The following SCFD1 variants were observed in gnomAD, a reference collection of about 807,000 sequenced individuals.
SCFD1 encodes the protein sec1 family domain-containing protein 1.
SCFD1 carries 37 observed loss-of-function variants against 103.2 expected under a neutral mutation model. The ratio of observed to expected loss-of-function variants is 0.36; its 90% CI spans 0.28 to 0.47. The LOEUF (loss-of-function observed/expected upper bound fraction) is 0.47. SCFD1 is among the 20% of genes least tolerant of loss of function. SCFD1 has a pLI of 1.00. For synonymous variants in SCFD1, 264 were observed against 245.0 expected, an observed-to-expected ratio of 1.08 and a Z score of -0.73; for missense variants, 639 against 761.2, an observed-to-expected ratio of 0.84 and a Z score of 1.89.
Position 30,630,557 on chromosome 14 carries a change from T to G in SCFD1, c.213T>G (p.Thr71=). The change falls in exon 3 of 25, where the codon ACT becomes ACG. Residue 71 remains threonine, a synonymous_variant. Transcript: ENST00000458591. ...SVKELRDMGI[T]LHLLLHSDRD... ...AGGAGCTAAGAGACATGGGAATCAC[T>G]CTGCATCTGTGAGTTTTTACATATT... 6.4e-7 allele frequency: 1 copy of G among 1,568,784 alleles called. No individual in the cohort carries two copies. The highest frequency in any genetic ancestry group is 8.8e-7 in the Non-Finnish European group (1 of 1,140,410).
chr14:30,659,444 C>T (rs1286539470), intron 10 of SCFD1, among the ~76,000 whole-genome samples: 1 of 152,078 alleles, frequency 6.6e-6, no homozygotes, highest in Non-Finnish European at 1.5e-5. Flanking sequence ...TGACTATTGG[C>T]GACTGTATTG....
intron 3 of SCFD1, among the ~76,000 whole-genome samples, chr14:30,632,651 G>A (rs1884297946): frequency 6.6e-6 from 1 of 152,118 alleles, no homozygotes; most frequent in Admixed American, 6.6e-5. Flanking sequence ...GAGTGCCATT[G>A]TCTCTGTACT....
chr14:30,711,308 A>G (rs909033083), intron 19 of SCFD1, among the ~76,000 whole-genome samples: 7 of 152,238 alleles, frequency 4.6e-5, no homozygotes, highest in East Asian at 1.9e-4. Context: ...CAAGAAAACT[A>G]TAAAACATGA....
chr14:30,654,224 G>T (rs1002567376), intron 10 of SCFD1, among the ~76,000 whole-genome samples: 28 of 152,342 alleles, frequency 1.8e-4, no homozygotes, highest in African/African-American at 6.0e-4. Flanking sequence ...GGCCAGAATA[G>T]TCTCTATTTG....
intron 23 of SCFD1, among the ~76,000 whole-genome samples, chr14:30,723,837 T>C (rs1354453904): frequency 6.6e-6 from 1 of 152,206 alleles, no homozygotes; most frequent in Admixed American, 6.5e-5. Flanking sequence ...TTTGCTATCG[T>C]GAACAGTGCT....
intron 2 of SCFD1, among the ~76,000 whole-genome samples, chr14:30,630,184 A>C (rs1457783772): frequency 6.6e-6 from 1 of 152,206 alleles, no homozygotes; most frequent in Admixed American, 6.5e-5. Context: ...GTAATGCTTT[A>C]AGAACGTATT....
chr14:30,696,518 G>A (rs1447243138), intron 15 of SCFD1, among the ~76,000 whole-genome samples: 2 of 152,176 alleles, frequency 1.3e-5, no homozygotes, highest in African/African-American at 4.8e-5. Flanking sequence ...TTGCAAAGTA[G>A]CAGTCTGGTG....
chr14:30,666,163 C>G (rs1887946338), intron 10 of SCFD1, among the ~76,000 whole-genome samples: 1 of 152,208 alleles, frequency 6.6e-6, no homozygotes, highest in African/African-American at 2.4e-5. Context: ...TAGTAAAGCA[C>G]TCCTCAGCAA....
intron 14 of SCFD1, among the ~76,000 whole-genome samples, chr14:30,680,144 C>G (rs4430662): frequency 0.36 from 55,451 of 152,018 alleles, 11,425 homozygotes; most frequent in East Asian, 0.62. Context: ...TCTTGGCTCT[C>G]ACTTCCCTAA....
At chr14:30,707,848 G>A (rs776268807) in intron 18 of SCFD1, 142 bp from the exon 19 acceptor site, 2 of 736,608 alleles carry the variant, frequency 2.7e-6, no homozygotes, top group East Asian at 2.6e-5. Flanking sequence ...AAATTCTCAA[G>A]ACCCTTCTGT....
chr14:30,721,439 A>G (rs10130830), intron 21 of SCFD1, among the ~76,000 whole-genome samples: 74,810 of 147,266 alleles, frequency 0.51, 21,439 homozygotes, highest in African/African-American at 0.79. Context: ...TCCCTTCCCC[A>G]TTTGCTTCCT....
rs924232934 is a variant in SCFD1, at chr14:30,650,736, T to C, written c.755+86T>C. 88 of 766,830 alleles carry C rather than the reference T, an allele frequency of 1.1e-4. No homozygotes were observed. The African/African-American group carries it at 1.4e-3, about 13-fold the overall frequency. The allele number at this position is 766,830 out of a possible 1,614,324, so 47.5% of individuals were successfully genotyped here. A position where few individuals can be genotyped will look rare whatever the true frequency, so the allele number is the denominator to read the frequency against. ...CTTTTCTTGGCTGATAGAATATCCTTGTAATTGAAATTTGTTTCTTTTTAA... is the reference window on the plus strand; with the variant it reads ...CTTTTCTTGGCTGATAGAATATCCTCGTAATTGAAATTTGTTTCTTTTTAA... On this transcript the variant is annotated intron_variant, in intron 9 of 24. Transcript: ENST00000458591.
intron 5 of SCFD1, among the ~76,000 whole-genome samples, chr14:30,639,201 G>A (rs1477847190): frequency 6.6e-6 from 1 of 151,998 alleles, no homozygotes; most frequent in East Asian, 1.9e-4. Context: ...ATGTTGCCCA[G>A]GTCTCAAACT....
rs770122575 is a variant in SCFD1 at position 30,735,564 on chromosome 14, A to G, written c.1906-22A>G. ...ATGATCTTTTTTAAAAGTTTTATGT[A>G]TGATTTTGTGTTTTGTTTTAGTTGT... On this transcript the variant is annotated intron_variant, in intron 24 of 24. Transcript: ENST00000458591. The G allele has an allele frequency of 5.2e-6, 8 of 1,544,694 alleles. No homozygotes were observed. The South Asian group carries it at 6.9e-5, about 13-fold the overall frequency.
chr14:30,683,350 C>A, intron 14 of SCFD1: 1 of 585,586 alleles, frequency 1.7e-6, no homozygotes, highest in South Asian at 1.7e-5. Flanking sequence ...CTGGGGAACT[C>A]TAGTGAGAGC....
intron 7 of SCFD1, among the ~76,000 whole-genome samples, chr14:30,649,013 G>A (rs1310444771): frequency 2.6e-5 from 4 of 151,524 alleles, no homozygotes; most frequent in Admixed American, 2.6e-4. Context: ...CTGCCCATAG[G>A]GGATCAAAAT....
intron 2 of SCFD1, among the ~76,000 whole-genome samples, chr14:30,629,692 C>T (rs1288954575): frequency 6.6e-6 from 1 of 151,812 alleles, no homozygotes; most frequent in Non-Finnish European, 1.5e-5. Context: ...ATTCTCCTTC[C>T]TCAGCCTTCA....
chr14:30,691,684 C>A (rs1034290738), intron 14 of SCFD1, among the ~76,000 whole-genome samples: 4 of 152,238 alleles, frequency 2.6e-5, no homozygotes, highest in African/African-American at 9.6e-5. Context: ...AGAGTTGTTG[C>A]AACCACAATC....
chr14:30,691,390 G>T (rs546277065), intron 14 of SCFD1, among the ~76,000 whole-genome samples: 2 of 152,276 alleles, frequency 1.3e-5, no homozygotes, highest in Admixed American at 1.3e-4. Context: ...AGAAGATTTG[G>T]TTTGAGAAAG....
Sources: gnomAD v4.1 joint callset for allele counts (sites outside exome capture counted in the v4.1 genomes callset) on GRCh38, gnomAD v4.1.1 for gene constraint, MANE v1.5 for transcripts, NCBI Gene and HGNC (gene_info 2026-07-23, HGNC 2026-07-21) for gene names.